Variants in CYTH3 observed in about 807,000 individuals in gnomAD.
CYTH3 encodes the protein cytohesin 3, also known as cytohesin-3.
A neutral mutation model predicts 55.1 loss-of-function variants in CYTH3; 23 were observed. The observed-to-expected ratio is 0.42, with a 90% CI of 0.30 to 0.59. The LOEUF is 0.59. Among genes scored for constraint, CYTH3 ranks in the 20% least tolerant of loss-of-function variants. The probability of loss-of-function intolerance (pLI) is 0.20; values close to 1 mark genes in which losing one functional copy is unlikely to be tolerated. For synonymous variants in CYTH3, 249 were observed against 194.9 expected (o/e 1.28, Z -2.31); for missense variants, 413 against 524.8 (o/e 0.79, Z 2.08).
At position 6,170,246 on chromosome 7, in the gene CYTH3, G is replaced by C; in HGVS notation, c.823+289C>G. ...TGTGGAGATAATGCGCTTGCTTCTC[G>C]TGCAGGAAGCTGCCCTGGCTGGATC... On this transcript the variant is annotated intron_variant, in intron 9 of 12. Transcript: ENST00000350796. This position sits in a 1 kb window ranked among gnomAD's most constrained non-coding sequence, Gnocchi z 7.8. 2.4e-6 allele frequency: 1 copy of C among 417,578 alleles called. No individual in the cohort carries two copies. Among genetic ancestry groups the C allele is most frequent in the Non-Finnish European group, 4.3e-6 (1 of 233,208 alleles). 25.9% of individuals were successfully genotyped at this position (417,578 alleles called of 1,614,324 possible). A position where few individuals can be genotyped will look rare whatever the true frequency, so the allele number is the denominator to read the frequency against.
Position 6,170,653 on chromosome 7 carries a change from G to C in CYTH3, c.712-7C>G. The C allele has an allele frequency of 6.2e-7, 1 of 1,612,692 alleles. No individual in the cohort carries two copies. On this transcript the variant is annotated splice_polypyrimidine_tract_variant and splice_region_variant and intron_variant, in intron 8 of 12. Coordinates refer to ENST00000350796, the MANE Select transcript of CYTH3 (RefSeq NM_004227.4). This position sits in a 1 kb window ranked among gnomAD's most constrained non-coding sequence, Gnocchi z 7.8. The stretch of plus-strand genomic sequence containing the variant: ...TAATGCTCTCATACAAATTCTGCAA[G>C]GAGGGAAAACAGCAGCCAGTTCAGA...
intron 1 of CYTH3, among the ~76,000 whole-genome samples, chr7:6,219,185 A>AACT (rs1784492167): frequency 6.6e-6 from 1 of 152,116 alleles, no homozygotes; most frequent in Admixed American, 6.5e-5. Flanking sequence ...TCTTTTTGGA[A>AACT]ACTATTATAT....
At chr7:6,188,587 G>A (rs1314124469) in intron 2 of CYTH3, 1 of 152,256 alleles carries the variant, frequency 6.6e-6, no homozygotes, top group African/African-American at 2.4e-5. Context: ...ATGAGATGAA[G>A]CACCATGGAC....
At chr7:6,175,563 T>G (rs1197378642) in intron 5 of CYTH3, among the ~76,000 whole-genome samples, 2 of 149,176 alleles carry the variant, frequency 1.3e-5, no homozygotes, top group African/African-American at 5.0e-5. Flanking sequence ...TTTTTTTTTT[T>G]TTTTGAGAGA....
At chr7:6,270,818 G>A (rs955651121) in intron 1 of CYTH3, among the ~76,000 whole-genome samples, 43 of 152,102 alleles carry the variant, frequency 2.8e-4, no homozygotes, top group African/African-American at 1.0e-3. Flanking sequence ...ATCATCCTTT[G>A]TTATAGTACT....
At chr7:6,212,867 G>C (rs1179837708) in intron 1 of CYTH3, 1 of 152,218 alleles carries the variant, frequency 6.6e-6, no homozygotes, top group Non-Finnish European at 1.5e-5. Flanking sequence ...CACTGGGGCA[G>C]TGCGATTTCT....
chr7:6,192,047 C>T (rs1163350413), intron 1 of CYTH3, among the ~76,000 whole-genome samples: 1 of 152,004 alleles, frequency 6.6e-6, no homozygotes, highest in Non-Finnish European at 1.5e-5. Context: ...GACTGTGAGG[C>T]TGACTGTGCC....
intron 1 of CYTH3, among the ~76,000 whole-genome samples, chr7:6,195,868 G>A (rs1004656761): frequency 7.2e-5 from 11 of 152,152 alleles, no homozygotes; most frequent in Non-Finnish European, 1.2e-4. Context: ...TCCCAAATTT[G>A]ATGAATGACA....
intron 1 of CYTH3, among the ~76,000 whole-genome samples, chr7:6,266,719 T>C (rs1049650549): frequency 3.3e-5 from 5 of 152,220 alleles, no homozygotes; most frequent in Non-Finnish European, 7.3e-5. Flanking sequence ...GGGCTTTCCC[T>C]ACACCTCTCC....
Position 6,187,697 on chromosome 7 carries a change from C to T in CYTH3, c.142G>A (p.Val48Met), listed in dbSNP as rs777415508. 6.2e-7 allele frequency: 1 copy of T among 1,614,166 alleles called. No individual in the cohort carries two copies. The highest frequency in any genetic ancestry group is 8.5e-7 in the Non-Finnish European group (1 of 1,179,998). The stretch of plus-strand genomic sequence containing the variant: ...GTTAGATTGTCGATCTCTGTCATCA[C>T]CTCTGCAATTTCATATTTCAGCCTC... ...IERLKYEIAE[V>M]MTEIDNLTSV... The change falls in exon 3 of 13, where the codon GTG (valine) becomes ATG (methionine). Residue 48 changes from valine to methionine, a missense_variant. Transcript: ENST00000350796.
At chr7:6,186,411 C>G (rs535428186) in intron 4 of CYTH3, among the ~76,000 whole-genome samples, 2 of 152,276 alleles carry the variant, frequency 1.3e-5, no homozygotes, top group Non-Finnish European at 2.9e-5. Context: ...AAAAGCTTCA[C>G]AGATTCTGCC....
At chr7:6,179,729 A>ACAC (rs1783438616) in intron 4 of CYTH3, among the ~76,000 whole-genome samples, 1 of 94,092 alleles carries the variant, frequency 1.1e-5, no homozygotes, top group South Asian at 3.8e-4. Context: ...CACCACACAC[A>ACAC]CACACCCACC....
chr7:6,217,237 G>T (rs937411458), intron 1 of CYTH3, among the ~76,000 whole-genome samples: 7 of 152,006 alleles, frequency 4.6e-5, no homozygotes, highest in African/African-American at 4.8e-5. Context: ...AATGTAAAAG[G>T]TCTAAATATA....
intron 1 of CYTH3, among the ~76,000 whole-genome samples, chr7:6,221,334 A>G (rs1207698605): frequency 6.6e-6 from 1 of 152,244 alleles, no homozygotes; most frequent in Non-Finnish European, 1.5e-5. Context: ...GTTACATATT[A>G]TATAATTTGA....
intron 1 of CYTH3, among the ~76,000 whole-genome samples, chr7:6,270,546 G>C (rs1399618482): frequency 6.6e-6 from 1 of 152,120 alleles, no homozygotes; most frequent in Non-Finnish European, 1.5e-5. Context: ...AATCCATAAT[G>C]TCACCAATGT....
intron 9 of CYTH3, 91 bp from the exon 10 acceptor site, chr7:6,165,901 G>A (rs934101311): frequency 1.2e-5 from 16 of 1,324,424 alleles, no homozygotes; most frequent in Admixed American, 3.9e-5. Flanking sequence ...AGACCACTGC[G>A]TTTTCAGAAA....
At chr7:6,259,778 ATATATAATATATAT>A (rs1780263855) in intron 1 of CYTH3, among the ~76,000 whole-genome samples, 19 of 20,030 alleles carry the variant, frequency 9.5e-4, no homozygotes, top group South Asian at 5.4e-3. Context: ...TATATTATAT[ATATATAATATATAT>A]ATATATATAT....
intron 1 of CYTH3, among the ~76,000 whole-genome samples, chr7:6,260,713 G>C (rs1051286593): frequency 2.0e-5 from 3 of 152,076 alleles, no homozygotes; most frequent in Admixed American, 6.5e-5. Flanking sequence ...AATCTTCAAG[G>C]CTTCCTAGGC....
rs1292719896 is a variant in CYTH3 at position 6,170,314 on chromosome 7, T to C, written c.823+221A>G. 1.1e-5 allele frequency: 6 copies of C among 557,000 alleles called. No homozygotes were observed. The highest frequency in any genetic ancestry group is 3.0e-5 in the East Asian group (1 of 33,086). The allele number at this position is 557,000 out of a possible 1,614,324, so 34.5% of individuals were successfully genotyped here. On this transcript the variant is annotated intron_variant, in intron 9 of 12. Transcript: ENST00000350796. The surrounding 1 kb of genome is among the most constrained non-coding windows in gnomAD (Gnocchi z 7.8). ...GTTTTCTGGGACGGGCCGTGCAGCC[T>C]GGGCGCTACTCTCTGCCGCGGGCAT... is the stretch of plus-strand genomic sequence containing the variant.
Sources: gnomAD v4.1 joint callset for allele counts (sites outside exome capture counted in the v4.1 genomes callset) on GRCh38, gnomAD v4.1.1 for gene constraint, Gnocchi (gnomAD v3.1) non-coding constraint, MANE v1.5 for transcripts, NCBI Gene and HGNC (gene_info 2026-07-23, HGNC 2026-07-21) for gene names.